ZFPM2: variants seen among roughly 807,000 people sequenced by gnomAD.
The protein encoded by ZFPM2 is zinc finger protein, FOG family member 2, also known as zinc finger protein ZFPM2.
ZFPM2 carries 20 observed loss-of-function variants against 98.6 expected under a neutral mutation model. The observed-to-expected ratio is 0.20, with a 90% CI of 0.14 to 0.29. ZFPM2 has a LOEUF of 0.29. ZFPM2 is among the 10% of genes least tolerant of loss of function. ZFPM2 has a pLI of 1.00. For synonymous variants in ZFPM2, 518 were observed against 502.7 expected, an observed-to-expected ratio of 1.03 and a Z score of -0.41; for missense variants, 1,310 against 1,388.6, an observed-to-expected ratio of 0.94 and a Z score of 0.90.
intron 5 of ZFPM2, among the ~76,000 whole-genome samples, chr8:105,637,406 A>G (rs147792244): frequency 6.2e-4 from 94 of 152,204 alleles, no homozygotes; most frequent in Admixed American, 1.2e-3. Flanking sequence ...ACCAAATATC[A>G]TTTATCGTAG....
intron 5 of ZFPM2, among the ~76,000 whole-genome samples, chr8:105,715,311 G>A (rs1219497070): frequency 1.3e-5 from 2 of 150,858 alleles, no homozygotes; most frequent in African/African-American, 4.9e-5. Context: ...GAGACAGGAG[G>A]ATCGCTTAAG....
chr8:105,672,589 C>T (rs563305632), intron 5 of ZFPM2, among the ~76,000 whole-genome samples: 166 of 152,030 alleles, frequency 1.1e-3, no homozygotes, highest in African/African-American at 3.3e-3. Context: ...TATTGGTAAT[C>T]GTTAAATAAT....
At chr8:105,459,900 G>C (rs576210283) in intron 3 of ZFPM2, among the ~76,000 whole-genome samples, 45 of 152,238 alleles carry the variant, frequency 3.0e-4, no homozygotes, top group African/African-American at 9.9e-4. Flanking sequence ...AAAGTCTGCT[G>C]TCAGGAAAAA....
At chr8:105,550,466 C>G (rs964867927) in intron 3 of ZFPM2, among the ~76,000 whole-genome samples, 2 of 152,138 alleles carry the variant, frequency 1.3e-5, no homozygotes, top group Non-Finnish European at 2.9e-5. Flanking sequence ...TTAAATCAGT[C>G]ATTTTAGCTT....
Position 105,795,897 on chromosome 8 carries a change from G to A in ZFPM2, c.740-2827G>A, listed in dbSNP as rs555568465. On this transcript the variant is annotated intron_variant, in intron 6 of 7. Coordinates refer to ENST00000407775, the MANE Select transcript of ZFPM2 (RefSeq NM_012082.4). ...AGGAGAATAGATTCTGAAGTTAGTA[G>A]GTAAGCAAAAAATTGCATCTAATCA... The A allele has an allele frequency of 4.9e-3, 1,709 of 345,292 alleles. 7 individuals carry two copies. Among genetic ancestry groups the A allele is most frequent in the Non-Finnish European group, 7.5e-3 (1,304 of 174,192 alleles). The allele number at this position is 345,292 out of a possible 1,614,324, so 21.4% of individuals were successfully genotyped here. A position where few individuals can be genotyped will look rare whatever the true frequency, so the allele number is the denominator to read the frequency against.
chr8:105,380,733 ATATTATATATATATG>A (rs1810851112), intron 1 of ZFPM2, among the ~76,000 whole-genome samples: 1 of 44,670 alleles, frequency 2.2e-5, no homozygotes, highest in Non-Finnish European at 3.4e-5. Flanking sequence ...TATAACATAT[ATATTATATATATATG>A]TTATATATAA....
chr8:105,598,309 A>G (rs1002056996), intron 4 of ZFPM2, among the ~76,000 whole-genome samples: 1 of 152,122 alleles, frequency 6.6e-6, no homozygotes, highest in African/African-American at 2.4e-5. Context: ...AAGAAGGTGA[A>G]GGATAAGAGG....
chr8:105,751,695 T>C (rs970918886), intron 5 of ZFPM2, among the ~76,000 whole-genome samples: 8 of 152,092 alleles, frequency 5.3e-5, no homozygotes, highest in Non-Finnish European at 1.0e-4. Flanking sequence ...CTTTCTCATT[T>C]TCTTAAGCAA....
At chr8:105,343,684 C>T (rs1407686877) in intron 1 of ZFPM2, among the ~76,000 whole-genome samples, 2 of 152,010 alleles carry the variant, frequency 1.3e-5, no homozygotes, top group East Asian at 1.9e-4. Flanking sequence ...AGCATGGAAG[C>T]GAAGGTTTGC....
intron 5 of ZFPM2, among the ~76,000 whole-genome samples, chr8:105,644,893 T>C (rs997647533): frequency 6.6e-6 from 1 of 152,186 alleles, no homozygotes; most frequent in Non-Finnish European, 1.5e-5. Context: ...TACCTCCTAA[T>C]GCCATCACAT....
At chr8:105,366,842 G>T (rs1021313492) in intron 1 of ZFPM2, among the ~76,000 whole-genome samples, 2 of 151,222 alleles carry the variant, frequency 1.3e-5, no homozygotes, top group Non-Finnish European at 2.9e-5. Flanking sequence ...TTCTTCTAGG[G>T]TTTTTATGGT....
chr8:105,550,976 A>G (rs1034377062), intron 3 of ZFPM2, among the ~76,000 whole-genome samples: 2 of 152,220 alleles, frequency 1.3e-5, no homozygotes, highest in African/African-American at 4.8e-5. Context: ...CAGAGACTCC[A>G]GAATGACTAG....
At chr8:105,432,530 A>AAC (rs1266046864) in intron 2 of ZFPM2, among the ~76,000 whole-genome samples, 18 of 152,206 alleles carry the variant, frequency 1.2e-4, no homozygotes, top group Admixed American at 1.2e-3. Flanking sequence ...TTCTTAAATA[A>AAC]ACACGGAGGC....
chr8:105,712,314 ATAGAC>A (rs1187529316), intron 5 of ZFPM2, among the ~76,000 whole-genome samples: 1 of 152,112 alleles, frequency 6.6e-6, no homozygotes, highest in African/African-American at 2.4e-5. Context: ...AACAAAAGAA[ATAGAC>A]TAGGCCATCA....
At chr8:105,601,981 GTTA>G (rs1372907231) in intron 4 of ZFPM2, among the ~76,000 whole-genome samples, 25 of 152,074 alleles carry the variant, frequency 1.6e-4, no homozygotes, top group African/African-American at 5.6e-4. Context: ...TTCAACATTT[GTTA>G]TGGCCTCTGA....
At chr8:105,643,608 C>G (rs1276919376) in intron 5 of ZFPM2, among the ~76,000 whole-genome samples, 2 of 152,028 alleles carry the variant, frequency 1.3e-5, no homozygotes, top group Non-Finnish European at 2.9e-5. Flanking sequence ...GAATTACCAC[C>G]AATACCAACA....
intron 1 of ZFPM2, among the ~76,000 whole-genome samples, chr8:105,362,093 T>G (rs1305660162): frequency 6.6e-6 from 1 of 152,106 alleles, no homozygotes; most frequent in East Asian, 1.9e-4. Context: ...ATACTATTTT[T>G]TTAAATCCTA....
chr8:105,595,233 G>C (rs1174407687), intron 4 of ZFPM2, among the ~76,000 whole-genome samples: 2 of 152,074 alleles, frequency 1.3e-5, no homozygotes, highest in Non-Finnish European at 2.9e-5. Flanking sequence ...CAGGACCTAG[G>C]TCCAGGGAGG....
chr8:105,609,656 A>G (rs1816266064), intron 4 of ZFPM2, among the ~76,000 whole-genome samples: 1 of 152,192 alleles, frequency 6.6e-6, no homozygotes, highest in East Asian at 1.9e-4. Context: ...GAGAGTAGAC[A>G]GTGCCTGATG....
Sources: allele counts gnomAD v4.1 joint callset (sites outside exome capture counted in the v4.1 genomes callset), GRCh38; gene constraint gnomAD v4.1.1; transcripts MANE v1.5; gene names NCBI Gene and HGNC (gene_info 2026-07-23, HGNC 2026-07-21).